Variants in KATNBL1 observed in about 807,000 individuals in gnomAD.
KATNBL1 encodes the protein katanin regulatory subunit B1 like 1.
Under a neutral mutation model 44.7 loss-of-function variants are expected in KATNBL1, and 28 were observed. That is an observed-to-expected ratio of 0.63 (90% confidence interval 0.46 to 0.86). The LOEUF is 0.86. KATNBL1 is among the 40% of genes least tolerant of loss of function. KATNBL1 has a pLI of 0.00. For synonymous variants in KATNBL1, 78 were observed against 114.9 expected, an observed-to-expected ratio of 0.68 and a Z score of 2.06; for missense variants, 272 against 350.7, an observed-to-expected ratio of 0.78 and a Z score of 1.79.
intron 1 of KATNBL1, among the ~76,000 whole-genome samples, chr15:34,178,545 CAGG>C (rs1304944920): frequency 6.6e-6 from 1 of 152,082 alleles, no homozygotes. Context: ...ATCACGAGGT[CAGG>C]AGATCGAGAC....
chr15:34,174,757 C>T (rs578072388), intron 1 of KATNBL1, among the ~76,000 whole-genome samples: 1 of 151,944 alleles, frequency 6.6e-6, no homozygotes, highest in South Asian at 2.1e-4. Flanking sequence ...CGCATTCAAG[C>T]GATTCTCCTG....
At chr15:34,182,665 T>G (rs1353717420) in intron 1 of KATNBL1, among the ~76,000 whole-genome samples, 3 of 152,202 alleles carry the variant, frequency 2.0e-5, no homozygotes, top group Middle Eastern at 3.4e-3. Flanking sequence ...GACTAACTAC[T>G]CAGCAATAAA....
At chr15:34,156,780 G>A (rs1333031605) in intron 2 of KATNBL1, among the ~76,000 whole-genome samples, 2 of 152,224 alleles carry the variant, frequency 1.3e-5, no homozygotes, top group East Asian at 1.9e-4. Flanking sequence ...AGAACTTAGA[G>A]GGTTTGAGAT....
At chr15:34,173,517 A>C (rs1889234322) in intron 1 of KATNBL1, among the ~76,000 whole-genome samples, 1 of 152,118 alleles carries the variant, frequency 6.6e-6, no homozygotes, top group South Asian at 2.1e-4. Flanking sequence ...AGTTCCCAAA[A>C]ATTTCTTCAC....
chr15:34,195,633 G>A (rs568850803), intron 1 of KATNBL1, among the ~76,000 whole-genome samples: 11 of 150,674 alleles, frequency 7.3e-5, no homozygotes, highest in Non-Finnish European at 1.5e-4. Flanking sequence ...GGAGGTTGCA[G>A]TGAGCCGAGA....
chr15:34,191,863 A>C (rs1889882973), intron 1 of KATNBL1, among the ~76,000 whole-genome samples: 2 of 149,148 alleles, frequency 1.3e-5, no homozygotes, highest in African/African-American at 2.5e-5. Context: ...AGGAGAATGG[A>C]GTGAACCTGG....
intron 4 of KATNBL1, among the ~76,000 whole-genome samples, chr15:34,152,360 T>C (rs537057643): frequency 6.6e-5 from 10 of 152,092 alleles, no homozygotes; most frequent in African/African-American, 2.4e-4. Context: ...CCCCCCACCA[T>C]GCCCGGCTAA....
At chr15:34,165,648 T>C (rs1888944037) in intron 1 of KATNBL1, among the ~76,000 whole-genome samples, 2 of 151,800 alleles carry the variant, frequency 1.3e-5, no homozygotes, top group Admixed American at 1.3e-4. Flanking sequence ...ATACAAACAT[T>C]AGCAGGGCGT....
Position 34,147,449 on chromosome 15 carries a change from T to C in KATNBL1, c.558-19A>G, listed in dbSNP as rs372467198. 4.4e-6 allele frequency: 7 copies of C among 1,600,282 alleles called. No individual in the cohort carries two copies. The African/African-American group carries it at 5.4e-5, about 12-fold the overall frequency. ...TTCTATCCTGAGAGTATAAAAAGAATAGCATTGCCTTAGAGAGCTGATTTC... is the reference window on the plus strand; with the variant it reads ...TTCTATCCTGAGAGTATAAAAAGAACAGCATTGCCTTAGAGAGCTGATTTC... On this transcript the variant is annotated intron_variant, in intron 5 of 9. Transcript: ENST00000256544.
chr15:34,193,216 C>CAAAAAAAAAAAA (rs34216208), intron 1 of KATNBL1, among the ~76,000 whole-genome samples: 9 of 66,306 alleles, frequency 1.4e-4, no homozygotes, highest in Non-Finnish European at 1.9e-4. Flanking sequence ...GACTCCGTCT[C>CAAAAAAAAAAAA]AAAAAAAAAA....
At chr15:34,145,242 A>G in intron 9 of KATNBL1, 156 bp downstream of exon 9, 1 of 1,405,866 alleles carries the variant, frequency 7.1e-7, no homozygotes, top group Non-Finnish European at 9.5e-7. Flanking sequence ...TCACAGTTAC[A>G]CGCAGAGGAC....
At chr15:34,193,352 G>C (rs1180914567) in intron 1 of KATNBL1, among the ~76,000 whole-genome samples, 2 of 151,404 alleles carry the variant, frequency 1.3e-5, no homozygotes, top group Non-Finnish European at 2.9e-5. Context: ...TGGCCAATAT[G>C]GCAAAATCCC....
At chr15:34,166,106 A>G (rs1012582021) in intron 1 of KATNBL1, 1 of 152,350 alleles carries the variant, frequency 6.6e-6, no homozygotes, top group Non-Finnish European at 1.5e-5. Flanking sequence ...TGCAGCCTAC[A>G]GAGGGCGAGC....
Position 34,163,699 on chromosome 15 carries a change from T to G in KATNBL1, c.-14-9A>C. 1 of 1,419,870 alleles carries G rather than the reference T, an allele frequency of 7.0e-7. No individual in the cohort carries two copies. Among genetic ancestry groups the G allele is most frequent in the Non-Finnish European group, 9.6e-7 (1 of 1,046,254 alleles). 88.0% of individuals were successfully genotyped at this position (1,419,870 alleles called of 1,614,324 possible). ...CATAATCTCTTAAGTACCTAGACAATAAAATAAAATAGAAAATTAAAACAG... is the reference window on the plus strand; with the variant it reads ...CATAATCTCTTAAGTACCTAGACAAGAAAATAAAATAGAAAATTAAAACAG... On this transcript the variant is annotated splice_polypyrimidine_tract_variant and intron_variant, in intron 1 of 9. Coordinates refer to ENST00000256544, the MANE Select transcript of KATNBL1 (RefSeq NM_024713.3).
intron 1 of KATNBL1, among the ~76,000 whole-genome samples, chr15:34,167,575 A>C (rs911339565): frequency 2.0e-5 from 3 of 152,208 alleles, no homozygotes; most frequent in Non-Finnish European, 4.4e-5. Flanking sequence ...GCCAACGTTC[A>C]AATTCAGGAA....
Position 34,163,671 on chromosome 15 carries a change from T to A in KATNBL1, c.6A>T (p.Ala2=), listed in dbSNP as rs1567523487. Residue 2 remains alanine, a synonymous_variant, in exon 2 of 10, where the codon GCA becomes GCT. Coordinates refer to ENST00000256544, the MANE Select transcript of KATNBL1 (RefSeq NM_024713.3). ...GTTTTTTAACATTGTGGGTTTCTGA[T>A]GCCATAATCTCTTAAGTACCTAGAC... M[A]SETHNVKKRN... 1 of 1,566,262 alleles carries A rather than the reference T, an allele frequency of 6.4e-7. No homozygotes were observed. Among genetic ancestry groups the A allele is most frequent in the Non-Finnish European group, 8.7e-7 (1 of 1,155,762 alleles).
chr15:34,202,997 T>A (rs1053622213), intron 1 of KATNBL1, among the ~76,000 whole-genome samples: 6 of 151,836 alleles, frequency 4.0e-5, no homozygotes, highest in Admixed American at 1.3e-4. Context: ...TCAAAAAAAA[T>A]AAAAATAAAT....
In KATNBL1 at chr15:34,141,927, A is replaced by G. The variant is rs1177435183; in HGVS notation, c.*412T>C. The stretch of plus-strand genomic sequence containing the variant: ...GTGTTTTTTTTTTTTAATAAAACAC[A>G]ATCTTAAAAAAGTTAATGATGATTG... On this transcript the variant is annotated 3_prime_UTR_variant, in exon 10 of 10. Transcript: ENST00000256544. The G allele has an allele frequency of 1.9e-5, 3 of 154,228 alleles. No homozygotes were observed. The highest frequency in any genetic ancestry group is 7.2e-5 in the African/African-American group (3 of 41,484). 9.6% of individuals were successfully genotyped at this position (154,228 alleles called of 1,614,324 possible).
chr15:34,146,589 T>A (rs1945504146), intron 8 of KATNBL1, 172 bp downstream of exon 8: 1 of 547,052 alleles, frequency 1.8e-6, no homozygotes, highest in Admixed American at 3.3e-5. Context: ...GGAATTCAAT[T>A]TCCAGGTGTG....
Sources: gnomAD v4.1 joint callset for allele counts (sites outside exome capture counted in the v4.1 genomes callset) on GRCh38, gnomAD v4.1.1 for gene constraint, MANE v1.5 for transcripts, NCBI Gene and HGNC (gene_info 2026-07-23, HGNC 2026-07-21) for gene names.